The following QKI variants were observed in gnomAD, a reference collection of about 807,000 sequenced individuals.
QKI encodes KH domain-containing RNA-binding protein QKI.
Under a neutral mutation model 39.0 loss-of-function variants are expected in QKI, and 10 were observed. That is an observed-to-expected ratio of 0.26 (90% CI 0.16 to 0.43). QKI has a LOEUF of 0.43. Among genes scored for constraint, QKI ranks in the 20% least tolerant of loss-of-function variants. The pLI is 1.00. For missense variants in QKI, 218 were observed against 428.0 expected (o/e 0.51, Z 4.33); for synonymous variants, 204 against 155.4 (o/e 1.31, Z -2.33).
rs183139241 is a variant in QKI, at chr6:163,456,147, T to G, written c.285+726T>G. ...CTCTGATCTCTACTGGCTGGCTGCT[T>G]CTTGTCATTAAGAATTTAGCTCAAA... On this transcript the variant is annotated intron_variant, in intron 2 of 7. Transcript: ENST00000361752. Among the ~76,000 whole-genome samples, 599 of 152,292 alleles carry G rather than the reference T, an allele frequency of 3.9e-3. 1 individual carries two copies. The highest frequency in any genetic ancestry group is 5.8e-3 in the Non-Finnish European group (393 of 68,014).
chr6:163,419,767 C>T (rs75989956), intron 1 of QKI, among the ~76,000 whole-genome samples: 4,247 of 152,122 alleles, frequency 0.028, 192 homozygotes, highest in African/African-American at 0.096. Context: ...AAGTTGTATC[C>T]GACTGTAACA....
In QKI at chr6:163,572,762, T is replaced by C. The variant is rs887198083; in HGVS notation, c.*2052T>C. Reference sequence around the variant, plus strand: ...GTCAGCAGGAAGCTGAGTCATTACCTTCTTGGTGACCTCCCCCACCATCTT... The same window carrying C: ...GTCAGCAGGAAGCTGAGTCATTACCCTCTTGGTGACCTCCCCCACCATCTT... On this transcript the variant is annotated 3_prime_UTR_variant, in exon 8 of 8. Transcript: ENST00000361752. 2.1e-5 allele frequency: 3 copies of C among 141,280 alleles called. No individual in the cohort carries two copies. The highest frequency in any genetic ancestry group is 7.9e-5 in the African/African-American group (3 of 37,826). 8.8% of individuals were successfully genotyped at this position (141,280 alleles called of 1,614,324 possible).
Position 163,576,889 on chromosome 6 carries a change from A to G in QKI, c.*6179A>G, listed in dbSNP as rs1266208217. 1 of 152,232 alleles carries G rather than the reference A, an allele frequency of 6.6e-6. No individual in the cohort carries two copies. Among genetic ancestry groups the G allele is most frequent in the Non-Finnish European group, 1.5e-5 (1 of 68,038 alleles). 9.4% of individuals were successfully genotyped at this position (152,232 alleles called of 1,614,324 possible). On this transcript the variant is annotated 3_prime_UTR_variant, in exon 8 of 8. Transcript: ENST00000361752. ...CATAACATTCACTCTGATTTTAGCC[A>G]TTAAGGGAGATTAGTAAACAGACTG...
intron 2 of QKI, among the ~76,000 whole-genome samples, chr6:163,466,734 A>G (rs1420145510): frequency 1.3e-5 from 2 of 152,206 alleles, no homozygotes; most frequent in African/African-American, 2.4e-5. Flanking sequence ...AAAATGGATT[A>G]AAGACCTAAA....
chr6:163,437,867 C>T (rs745500320), intron 1 of QKI, among the ~76,000 whole-genome samples: 16 of 148,126 alleles, frequency 1.1e-4, no homozygotes, highest in Non-Finnish European at 2.1e-4. Flanking sequence ...TTTTAAACTC[C>T]GGAAAAGTGG....
At chr6:163,538,149 C>T (rs1008733041) in intron 4 of QKI, among the ~76,000 whole-genome samples, 2 of 152,148 alleles carry the variant, frequency 1.3e-5, no homozygotes, top group Non-Finnish European at 2.9e-5. Context: ...AATTGAATGC[C>T]TGCTGTAGGT....
intron 3 of QKI, among the ~76,000 whole-genome samples, chr6:163,526,515 G>A (rs754154631): frequency 6.6e-6 from 1 of 152,140 alleles, no homozygotes; most frequent in Non-Finnish European, 1.5e-5. Flanking sequence ...GTGCTTGTTA[G>A]CAACAGGAGC....
chr6:163,415,047 G>T lies in QKI; in HGVS notation c.-147G>T. The T allele has an allele frequency of 1.2e-6, 1 of 837,964 alleles. No individual in the cohort carries two copies. The allele number at this position is 837,964 out of a possible 1,614,324, so 51.9% of individuals were successfully genotyped here. ...AGCGCGCGGTGCCGGCCGCCCCGGG[G>T]CTCGGCGCGGGAGCCAGAGCGGGAG... is the stretch of plus-strand genomic sequence containing the variant. On this transcript the variant is annotated 5_prime_UTR_variant, in exon 1 of 8. Transcript: ENST00000361752.
chr6:163,499,916 C>T lies in QKI; in HGVS notation c.402+21020C>T, dbSNP rs548750215. 1.7e-3 allele frequency among the ~76,000 whole-genome samples: 253 copies of T among 152,170 alleles called. 9 individuals are homozygous for T. The South Asian group carries it at 0.05, about 30-fold the overall frequency. ...AAGTGCCATGAAAATTATAATAATG[C>T]CAGGCAATGTAAGTATGGGCTGGGT... On this transcript the variant is annotated intron_variant, in intron 3 of 7. Transcript: ENST00000361752.
At chr6:163,545,529 C>T (rs1781811498) in intron 4 of QKI, among the ~76,000 whole-genome samples, 1 of 152,104 alleles carries the variant, frequency 6.6e-6, no homozygotes, top group Non-Finnish European at 1.5e-5. Context: ...CTGGCAGTGA[C>T]TGTGGCTTCT....
intron 7 of QKI, chr6:163,568,831 A>G: frequency 1.0e-6 from 1 of 985,798 alleles, no homozygotes; most frequent in Non-Finnish European, 1.2e-6. Context: ...GAAGCCTATT[A>G]GAGACCAACT....
At chr6:163,498,019 C>T (rs1285098145) in intron 3 of QKI, among the ~76,000 whole-genome samples, 1 of 152,006 alleles carries the variant, frequency 6.6e-6, no homozygotes. Flanking sequence ...TTAAAAATTT[C>T]TGTTACTGTA....
At chr6:163,521,667 C>T (rs768561248) in intron 3 of QKI, among the ~76,000 whole-genome samples, 20 of 151,992 alleles carry the variant, frequency 1.3e-4, no homozygotes, top group Non-Finnish European at 2.4e-4. Flanking sequence ...GGATTACAGG[C>T]GCATGCTACC....
In QKI at chr6:163,570,775, C is replaced by A; in HGVS notation, c.*65C>A. ...GACCTGACCATGCCTGCCTGCTGAT[C>A]AGTTAACTGGTAATCGCCTTTGCTT... On this transcript the variant is annotated 3_prime_UTR_variant, in exon 8 of 8. Coordinates refer to ENST00000361752, the MANE Select transcript of QKI (RefSeq NM_006775.3). The A allele has an allele frequency of 1.3e-6, 2 of 1,595,674 alleles. No homozygotes were observed. Among genetic ancestry groups the A allele is most frequent in the South Asian group, 2.3e-5 (2 of 87,684 alleles).
chr6:163,415,424 C>A, intron 1 of QKI, 89 bp downstream of exon 1: 1 of 1,359,258 alleles, frequency 7.4e-7, no homozygotes, highest in Non-Finnish European at 9.9e-7. Context: ...GCGGGAAGGT[C>A]ACGGCCGGGC....
chr6:163,564,482 A>G (rs1783231939), intron 6 of QKI: 4 of 1,425,324 alleles, frequency 2.8e-6, no homozygotes, highest in South Asian at 1.6e-5. Context: ...AGTCCTAGTC[A>G]TATTAAACAT....
intron 1 of QKI, among the ~76,000 whole-genome samples, chr6:163,420,576 G>C (rs886160665): frequency 1.1e-4 from 16 of 152,022 alleles, no homozygotes; most frequent in African/African-American, 3.6e-4. Flanking sequence ...TTATTTACAT[G>C]ATCAACGGGA....
chr6:163,497,779 A>G (rs1408613663), intron 3 of QKI, among the ~76,000 whole-genome samples: 1 of 151,982 alleles, frequency 6.6e-6, no homozygotes, highest in Non-Finnish European at 1.5e-5. Context: ...AGCTATATTT[A>G]TTGTCTAGTT....
chr6:163,538,274 A>G (rs935357053), intron 4 of QKI, among the ~76,000 whole-genome samples: 4 of 152,238 alleles, frequency 2.6e-5, no homozygotes, highest in Admixed American at 6.5e-5. Flanking sequence ...GACAATGAGG[A>G]AAACAAATAT....
Sources: allele counts gnomAD v4.1 joint callset (sites outside exome capture counted in the v4.1 genomes callset), GRCh38; gene constraint gnomAD v4.1.1; transcripts MANE v1.5; gene names NCBI Gene and HGNC (gene_info 2026-07-23, HGNC 2026-07-21).